The following UPRT variants were observed in gnomAD, a reference collection of about 807,000 sequenced individuals.
UPRT encodes uracil phosphoribosyltransferase homolog, also known as RP11-311P8.3.
UPRT carries 5 observed loss-of-function variants against 22.6 expected under a neutral mutation model. That is an observed-to-expected ratio of 0.22 (90% CI 0.12 to 0.47). The LOEUF (loss-of-function observed/expected upper bound fraction) is 0.47. UPRT is among the 20% of genes least tolerant of loss of function. The pLI is 0.99. For synonymous variants in UPRT, 77 were observed against 87.7 expected (o/e 0.88, Z 0.68); for missense variants, 181 against 239.9 (o/e 0.75, Z 1.62).
chrX:75,176,619 C>A (rs2082247577), intron 4 of UPRT, among the ~76,000 whole-genome samples: 1 of 110,733 alleles, frequency 9.0e-6, no homozygotes, highest in Non-Finnish European at 1.9e-5. Flanking sequence ...TTTTGTGGAC[C>A]TTTGGAGATT....
At chrX:75,232,325 T>C (rs2082441407) in intron 4 of UPRT, among the ~76,000 whole-genome samples, 1 of 112,077 alleles carries the variant, frequency 8.9e-6, no homozygotes, top group Admixed American at 9.4e-5. Flanking sequence ...AGCACAGCAG[T>C]CTGAGATCAA....
intron 4 of UPRT, among the ~76,000 whole-genome samples, chrX:75,255,940 G>A (rs2082548200): frequency 8.9e-6 from 1 of 111,748 alleles, no homozygotes; most frequent in African/African-American, 3.3e-5. Context: ...TCCACTGACA[G>A]CACTAGAAAG....
upstream of UPRT, among the ~76,000 whole-genome samples, chrX:75,273,442 C>T (rs1463246448): frequency 9.0e-6 from 1 of 111,316 alleles, no homozygotes; most frequent in Non-Finnish European, 1.9e-5. Flanking sequence ...GTGGTACATA[C>T]TGATGTTTGA....
upstream of UPRT, among the ~76,000 whole-genome samples, chrX:75,271,791 G>T (rs1480431225): frequency 2.7e-5 from 3 of 110,864 alleles, no homozygotes; most frequent in African/African-American, 9.8e-5. Context: ...ACTCAAATCA[G>T]AAAGACAAAA....
At position 75,303,523 on chromosome X, in the gene UPRT, A is replaced by G. The variant is rs764203549; in HGVS notation, c.*12A>G. On this transcript the variant is annotated 3_prime_UTR_variant, in exon 7 of 7. Coordinates refer to ENST00000373383, the MANE Select transcript of UPRT (RefSeq NM_145052.4). ...TTGGAACAGACTAAGTTATTTAAGT[A>G]AAATAATTATCTTATGTAATATTAC... is the stretch of plus-strand genomic sequence containing the variant. 1.6e-5 allele frequency: 18 copies of G among 1,104,958 alleles called. No individual in the cohort carries two copies. In the South Asian group the frequency reaches 3.5e-4, roughly 22 times the overall value. The allele number at this position is 1,104,958 out of a possible 1,213,427, so 91.1% of individuals were successfully genotyped here. A position where few individuals can be genotyped will look rare whatever the true frequency, so the allele number is the denominator to read the frequency against.
chrX:75,199,134 T>C (rs1338652028), intron 4 of UPRT, among the ~76,000 whole-genome samples: 3 of 111,798 alleles, frequency 2.7e-5, no homozygotes, highest in Non-Finnish European at 5.6e-5. Context: ...AGGCAAGTCC[T>C]AGTGCTGAGC....
intron 4 of UPRT, among the ~76,000 whole-genome samples, chrX:75,216,948 G>A (rs966845601): frequency 9.0e-6 from 1 of 111,438 alleles, no homozygotes; most frequent in African/African-American, 3.3e-5. Context: ...TAGAGACGGG[G>A]TTTCACCGTG....
intron 4 of UPRT, among the ~76,000 whole-genome samples, chrX:75,251,490 G>A (rs1255951538): frequency 1.8e-5 from 2 of 111,011 alleles, no homozygotes; most frequent in Non-Finnish European, 3.8e-5. Flanking sequence ...AAATACCTAG[G>A]AATCCAACTT....
At chrX:75,299,510 A>C (rs759022928) in intron 4 of UPRT, among the ~76,000 whole-genome samples, 2 of 111,969 alleles carry the variant, frequency 1.8e-5, no homozygotes, top group South Asian at 7.5e-4. Context: ...TAGCAATAAA[A>C]CTAGCTTATT....
chrX:75,289,457 T>G (rs1229599943), intron 1 of UPRT, among the ~76,000 whole-genome samples: 1 of 107,144 alleles, frequency 9.3e-6, no homozygotes, highest in East Asian at 3.0e-4. Context: ...AAAAAAAAAC[T>G]ATTCTGAAAT....
rs191271942 is a variant in UPRT at position 75,187,392 on chromosome X, G to A, written c.-447+19513G>A. 6.7e-3 allele frequency among the ~76,000 whole-genome samples: 744 copies of A among 111,595 alleles called. 11 individuals are homozygous for A. Among genetic ancestry groups the A allele is most frequent in the African/African-American group, 0.023 (700 of 30,620 alleles). ...TTGTAGAGTTTCTGCCGAGAGATCC[G>A]CTGTTAGTCTGATGGGCTTCCCTTT... On this transcript the variant is annotated intron_variant, in intron 4 of 13. Transcript: ENST00000652605.
At chrX:75,264,786 G>C (rs956742524) in intron 4 of UPRT, among the ~76,000 whole-genome samples, 1 of 111,598 alleles carries the variant, frequency 9.0e-6, no homozygotes, top group African/African-American at 3.3e-5. Context: ...TCCCAGCCTC[G>C]ATGGTCTCTA....
At chrX:75,177,055 ACCGC>A (rs2082249319) in intron 4 of UPRT, among the ~76,000 whole-genome samples, 1 of 110,862 alleles carries the variant, frequency 9.0e-6, no homozygotes, top group Non-Finnish European at 1.9e-5. Flanking sequence ...GAAAGACAAA[ACCGC>A]CCATGGTTTT....
At chrX:75,288,502 T>C (rs958205305) in intron 1 of UPRT, among the ~76,000 whole-genome samples, 2 of 112,206 alleles carry the variant, frequency 1.8e-5, no homozygotes, top group Non-Finnish European at 3.8e-5. Context: ...GTAGGTGCCA[T>C]TACTGGGATG....
At chrX:75,296,446 AAAAATTCT>A (rs1254587373) in intron 3 of UPRT, 35 bp downstream of exon 3, 4 of 1,147,627 alleles carry the variant, frequency 3.5e-6, no homozygotes, top group Non-Finnish European at 3.6e-6. Flanking sequence ...TTTTCCTCAT[AAAAATTCT>A]GAGCTAGAAT....
chrX:75,186,470 G>T (rs1284325899), intron 4 of UPRT, among the ~76,000 whole-genome samples: 4 of 111,566 alleles, frequency 3.6e-5, no homozygotes, highest in Non-Finnish European at 7.5e-5. Context: ...AATAGGTGTG[G>T]TGTGGTGCTG....
chrX:75,237,022 T>A (rs2082468563), intron 4 of UPRT, among the ~76,000 whole-genome samples: 1 of 111,797 alleles, frequency 8.9e-6, no homozygotes. Context: ...ACCTACAAAA[T>A]GGGAGAAAAT....
chrX:75,270,348 G>T (rs1249377070), upstream of UPRT, among the ~76,000 whole-genome samples: 10 of 111,670 alleles, frequency 9.0e-5, no homozygotes, highest in Admixed American at 9.5e-4. Flanking sequence ...ATAGTGTGGG[G>T]ATTCCTTAAG....
intron 4 of UPRT, chrX:75,297,920 G>A: frequency 6.3e-6 from 1 of 159,564 alleles, no homozygotes; most frequent in East Asian, 1.4e-4. Flanking sequence ...TACCTGACTG[G>A]AGAAAATATT....
Sources: gnomAD v4.1 joint callset for allele counts (sites outside exome capture counted in the v4.1 genomes callset) on GRCh38, gnomAD v4.1.1 for gene constraint, MANE v1.5 for transcripts, NCBI Gene and HGNC (gene_info 2026-07-23, HGNC 2026-07-21) for gene names.